HIVEP2: variants seen among roughly 807,000 people sequenced by gnomAD.
The protein encoded by HIVEP2 is transcription factor HIVEP2.
A neutral mutation model predicts 180.7 loss-of-function variants in HIVEP2; 14 were observed. That is an observed-to-expected ratio of 0.08 (90% CI 0.05 to 0.12). The LOEUF (loss-of-function observed/expected upper bound fraction) is 0.12. Among genes scored for constraint, HIVEP2 ranks in the 10% least tolerant of loss-of-function variants. HIVEP2 has a pLI of 1.00. For synonymous variants in HIVEP2, 1,184 were observed against 1,136.4 expected (o/e 1.04, Z -0.84); for missense variants, 2,579 against 3,008.5 (o/e 0.86, Z 3.34).
At chr6:142,940,209 T>A (rs1202737674) in intron 1 of HIVEP2, among the ~76,000 whole-genome samples, 1 of 152,206 alleles carries the variant, frequency 6.6e-6, no homozygotes, top group Non-Finnish European at 1.5e-5. Context: ...ATTTATTAAT[T>A]GAATCAATGA....
At position 142,771,299 on chromosome 6, in the gene HIVEP2, C is replaced by T. The variant is rs1271584721; in HGVS notation, c.3440G>A (p.Ser1147Asn). The change falls in exon 5 of 10, where the codon AGC (serine) becomes AAC (asparagine). Residue 1147 changes from serine to asparagine, a missense_variant. Coordinates refer to ENST00000367603, the MANE Select transcript of HIVEP2 (RefSeq NM_006734.4). This position sits in a 1 kb window ranked among gnomAD's most constrained non-coding sequence, Gnocchi z 5.4. The part of the protein sequence containing the change: ...KQVAGPCPPL[S>N]SGPLHLAQPQ... ...CTGGGCCAGGTGCAGTGGCCCCGAG[C>T]TCAGCGGGGGACAAGGACCCGCCAC... The T allele has an allele frequency of 6.2e-7, 1 of 1,613,452 alleles. No individual in the cohort carries two copies. The highest frequency in any genetic ancestry group is 8.5e-7 in the Non-Finnish European group (1 of 1,180,038).
intron 1 of HIVEP2, among the ~76,000 whole-genome samples, chr6:142,864,467 A>G (rs1261792273): frequency 6.6e-6 from 1 of 152,216 alleles, no homozygotes. Flanking sequence ...AGTACACTAC[A>G]GGTCAACTCA....
intron 1 of HIVEP2, among the ~76,000 whole-genome samples, chr6:142,870,627 C>T (rs1055782334): frequency 3.9e-5 from 6 of 152,130 alleles, no homozygotes; most frequent in Non-Finnish European, 7.4e-5. Context: ...CTATTTCTTC[C>T]TGTAATCTGT....
Position 142,945,102 on chromosome 6 carries a change from A to C in HIVEP2, c.-644T>G, listed in dbSNP as rs1387967328. 1.4e-5 allele frequency: 2 copies of C among 146,604 alleles called. No individual in the cohort carries two copies. Among genetic ancestry groups the C allele is most frequent in the South Asian group, 2.1e-4 (1 of 4,772 alleles). 9.1% of individuals were successfully genotyped at this position (146,604 alleles called of 1,614,324 possible). ...CCGCGGCCCCCTCCCCCGCTACCTG[A>C]CAACGGGCCGCCGCCGGCCGCCGCA... On this transcript the variant is annotated 5_prime_UTR_variant, in exon 1 of 10. Coordinates refer to ENST00000367603, the MANE Select transcript of HIVEP2 (RefSeq NM_006734.4). The surrounding 1 kb of genome is among the most constrained non-coding windows in gnomAD (Gnocchi z 5.5).
chr6:142,817,721 C>G (rs1776880824), intron 2 of HIVEP2, among the ~76,000 whole-genome samples: 2 of 152,134 alleles, frequency 1.3e-5, no homozygotes, highest in Admixed American at 1.3e-4. Flanking sequence ...GAAAGTGACA[C>G]TTAAAGTAGA....
rs1439859957 is a variant in HIVEP2, at chr6:142,752,425, A to G, written c.*682T>C. On this transcript the variant is annotated 3_prime_UTR_variant, in exon 10 of 10. Transcript: ENST00000367603. ...GCAAACAAGAGACAAAAAAATATAC[A>G]AGAGTTAAGAACTGACTGATACATC... 1 of 152,652 alleles carries G rather than the reference A, an allele frequency of 6.6e-6. No homozygotes were observed. The highest frequency in any genetic ancestry group is 1.9e-4 in the East Asian group (1 of 5,204). 9.5% of individuals were successfully genotyped at this position (152,652 alleles called of 1,614,324 possible). A position where few individuals can be genotyped will look rare whatever the true frequency, so the allele number is the denominator to read the frequency against.
intron 2 of HIVEP2, among the ~76,000 whole-genome samples, chr6:142,793,673 T>TTCTCTCTCTCTCTCTCTCTCTC (rs71546219): frequency 2.8e-5 from 3 of 107,498 alleles, no homozygotes; most frequent in African/African-American, 7.4e-5. Context: ...CTTTCTTTCT[T>TTCTCTCTCTCTCTCTCTCTCTC]TCTCTCTCTC....
intron 9 of HIVEP2, among the ~76,000 whole-genome samples, chr6:142,756,707 G>A (rs1486835810): frequency 7.5e-6 from 1 of 133,346 alleles, no homozygotes; most frequent in Non-Finnish European, 1.5e-5. Context: ...TAAGGCCACA[G>A]CCATAATATT....
intron 1 of HIVEP2, among the ~76,000 whole-genome samples, chr6:142,902,312 G>C (rs534460870): frequency 6.8e-6 from 1 of 146,754 alleles, no homozygotes; most frequent in Non-Finnish European, 1.5e-5. Context: ...TCGCCTGGTG[G>C]TATTCTGCCC....
intron 2 of HIVEP2, among the ~76,000 whole-genome samples, chr6:142,797,344 A>G (rs928447100): frequency 6.6e-6 from 1 of 152,192 alleles, no homozygotes; most frequent in Non-Finnish European, 1.5e-5. Flanking sequence ...ATTTCACAAT[A>G]CTTTCCTACA....
chr6:142,857,550 G>A (rs1298160690), intron 1 of HIVEP2, among the ~76,000 whole-genome samples: 2 of 152,178 alleles, frequency 1.3e-5, no homozygotes, highest in African/African-American at 4.8e-5. Context: ...TCTACTTCGG[G>A]TGCAGCTGCG....
intron 1 of HIVEP2, among the ~76,000 whole-genome samples, chr6:142,918,052 C>T (rs1777601797): frequency 6.6e-6 from 1 of 152,218 alleles, no homozygotes; most frequent in Middle Eastern, 3.4e-3. Flanking sequence ...GGATTATAGA[C>T]GTGAGCCATC....
chr6:142,923,075 TG>T (rs1212723989), intron 1 of HIVEP2, among the ~76,000 whole-genome samples: 2 of 152,160 alleles, frequency 1.3e-5, no homozygotes, highest in Non-Finnish European at 2.9e-5. Context: ...GGCTCATGCC[TG>T]GTAATCCCAG....
At chr6:142,931,836 C>T (rs1253782679) in intron 1 of HIVEP2, among the ~76,000 whole-genome samples, 1 of 152,156 alleles carries the variant, frequency 6.6e-6, no homozygotes, top group African/African-American at 2.4e-5. Flanking sequence ...CATTATCTAT[C>T]GTTTTAAGTC....
chr6:142,842,456 A>AAAGAAAAAATGGGAAG (rs1350263589), intron 1 of HIVEP2, among the ~76,000 whole-genome samples: 6 of 152,312 alleles, frequency 3.9e-5, no homozygotes, highest in African/African-American at 1.4e-4. Flanking sequence ...AGAAGGACAA[A>AAAGAAAAAATGGGAAG]AAGAAAAAAT....
At chr6:142,909,391 T>C (rs1182387855) in intron 1 of HIVEP2, among the ~76,000 whole-genome samples, 1 of 152,182 alleles carries the variant, frequency 6.6e-6, no homozygotes, top group Non-Finnish European at 1.5e-5. Context: ...TATTTTAGTA[T>C]ATATCTACAT....
At chr6:142,872,828 G>T (rs1254142554) in intron 1 of HIVEP2, among the ~76,000 whole-genome samples, 1 of 152,112 alleles carries the variant, frequency 6.6e-6, no homozygotes, top group African/African-American at 2.4e-5. Flanking sequence ...GCAGTATTGG[G>T]TTTTTTACAA....
chr6:142,787,010 C>T (rs1461606127), intron 2 of HIVEP2, among the ~76,000 whole-genome samples: 2 of 152,064 alleles, frequency 1.3e-5, no homozygotes, highest in African/African-American at 4.8e-5. Context: ...TAGTGGCTCA[C>T]ACCTGTAATC....
intron 2 of HIVEP2, among the ~76,000 whole-genome samples, chr6:142,815,482 T>C (rs1473562611): frequency 6.6e-6 from 1 of 152,196 alleles, no homozygotes; most frequent in African/African-American, 2.4e-5. Flanking sequence ...TGATAGATCA[T>C]TGAGGCCTTT....
Sources: allele counts gnomAD v4.1 joint callset (sites outside exome capture counted in the v4.1 genomes callset), GRCh38; gene constraint gnomAD v4.1.1; non-coding constraint Gnocchi (gnomAD v3.1); transcripts MANE v1.5; gene names NCBI Gene and HGNC (gene_info 2026-07-23, HGNC 2026-07-21).